LONP2: variants seen among roughly 807,000 people sequenced by gnomAD.
The protein encoded by LONP2 is lon protease homolog 2, peroxisomal.
LONP2 carries 60 observed loss-of-function variants against 85.6 expected under a neutral mutation model. The ratio of observed to expected loss-of-function variants is 0.70; its 90% CI spans 0.57 to 0.87. LONP2 has a LOEUF of 0.87. Among genes scored for constraint, LONP2 ranks in the 40% least tolerant of loss-of-function variants. The probability of loss-of-function intolerance (pLI) is 0.00; values close to 1 mark genes in which losing one functional copy is unlikely to be tolerated. For missense variants in LONP2, 860 were observed against 1,063.5 expected (o/e 0.81, Z 2.66); for synonymous variants, 395 against 389.7 (o/e 1.01, Z -0.16).
chr16:48,327,062 A>C (rs956382887), intron 11 of LONP2, among the ~76,000 whole-genome samples: 7 of 152,036 alleles, frequency 4.6e-5, no homozygotes, highest in African/African-American at 1.7e-4. Context: ...ACCGCATTTC[A>C]CTCTCACTTG....
intron 11 of LONP2, among the ~76,000 whole-genome samples, chr16:48,327,069 C>T (rs1052067669): frequency 1.3e-5 from 2 of 152,252 alleles, no homozygotes; most frequent in African/African-American, 4.8e-5. Context: ...TTCACTCTCA[C>T]TTGGCTCACA....
intron 10 of LONP2, among the ~76,000 whole-genome samples, chr16:48,300,281 A>G (rs545047848): frequency 1.6e-4 from 25 of 152,256 alleles, no homozygotes; most frequent in Admixed American, 5.9e-4. Flanking sequence ...AAATCCTTAG[A>G]ATTTTGATCT....
chr16:48,331,129 G>C (rs1287183244), intron 11 of LONP2, among the ~76,000 whole-genome samples: 2 of 152,166 alleles, frequency 1.3e-5, no homozygotes, highest in Admixed American at 1.3e-4. Context: ...TGAAGTTTTT[G>C]AGTACCACTA....
intron 11 of LONP2, among the ~76,000 whole-genome samples, chr16:48,323,393 G>A (rs1397007904): frequency 6.6e-6 from 1 of 152,110 alleles, no homozygotes; most frequent in Non-Finnish European, 1.5e-5. Flanking sequence ...GTTGGCTCAT[G>A]CCTGTAATCC....
In LONP2 at chr16:48,347,711, A is replaced by G; in HGVS notation, c.2143A>G (p.Asn715Asp). The change falls in exon 13 of 15, where the codon AAT becomes GAT. Residue 715 changes from asparagine to aspartate, a missense_variant. Physicochemically the swap from Asn to Asp is conservative, Grantham distance 23. Around this residue, in one of 3 missense-constraint regions of LONP2, gnomAD observed 743 missense variants for 917.3 expected, o/e 0.81. Transcript: ENST00000285737. ...CAACGCAAAGAAGTACCAGCTGACC[A>G]ATGGTAGGAGCCTGCACCCGGCCAG... ...RSNAKKYQLT[N>D]AFGSFDLLDN... The G allele has an allele frequency of 6.2e-7, 1 of 1,612,322 alleles. No homozygotes were observed. Among genetic ancestry groups the G allele is most frequent in the Non-Finnish European group, 8.5e-7 (1 of 1,179,560 alleles).
chr16:48,347,457 T>C (rs746613557), intron 12 of LONP2, 50 bp from the exon 13 acceptor site: 1 of 1,580,800 alleles, frequency 6.3e-7, no homozygotes, highest in South Asian at 1.1e-5. Context: ...GTGGTATCAG[T>C]CACCTTTAGC....
chr16:48,277,377 C>T lies in LONP2; in HGVS notation c.1281C>T (p.Asn427=), dbSNP rs779507475. The T allele has an allele frequency of 1.3e-5, 21 of 1,613,056 alleles. No individual in the cohort carries two copies. The highest frequency in any genetic ancestry group is 1.6e-4 in the Middle Eastern group (1 of 6,072). Residue 427 remains asparagine (N), a synonymous_variant, in exon 8 of 15, where the codon AAC becomes AAT. Coordinates refer to ENST00000285737, the MANE Select transcript of LONP2 (RefSeq NM_031490.5). The part of the protein sequence containing the change: ...YVGSMPGRII[N]GLKTVGVNNP... The stretch of plus-strand genomic sequence containing the variant: ...GCAGCATGCCTGGTCGCATCATCAA[C>T]GGCTTGAAGACTGTGGGAGTGAACA...
intron 6 of LONP2, among the ~76,000 whole-genome samples, chr16:48,266,520 C>A (rs1971994193): frequency 6.6e-6 from 1 of 151,942 alleles, no homozygotes; most frequent in African/African-American, 2.4e-5. Flanking sequence ...TTCTTCCCCG[C>A]CCCTTTCCTC....
chr16:48,244,598 G>T lies in LONP2; in HGVS notation c.210G>T (p.Ala70=). 1 of 1,483,466 alleles carries T rather than the reference G, an allele frequency of 6.7e-7. No individual in the cohort carries two copies. The highest frequency in any genetic ancestry group is 1.5e-5 in the African/African-American group (1 of 68,924). 91.9% of individuals were successfully genotyped at this position (1,483,466 alleles called of 1,614,324 possible). A position where few individuals can be genotyped will look rare whatever the true frequency, so the allele number is the denominator to read the frequency against. ...IPNTPDPASD[A]QDLPPLHRIG... ...ACACGCCTGACCCCGCCAGCGACGCGCAGGACCTGCCGCCGCTGCACAGGT... is the reference window on the plus strand; with the variant it reads ...ACACGCCTGACCCCGCCAGCGACGCTCAGGACCTGCCGCCGCTGCACAGGT... The change falls in exon 1 of 15, where the codon GCG becomes GCT. Residue 70 remains alanine, a synonymous_variant. Coordinates refer to ENST00000285737, the MANE Select transcript of LONP2 (RefSeq NM_031490.5).
intron 8 of LONP2, among the ~76,000 whole-genome samples, chr16:48,289,221 C>T (rs1279276772): frequency 2.6e-5 from 4 of 152,242 alleles, no homozygotes; most frequent in East Asian, 3.9e-4. Flanking sequence ...AGGTTGAGGA[C>T]GCGCGCCCAT....
At chr16:48,328,306 G>A (rs1013637121) in intron 11 of LONP2, among the ~76,000 whole-genome samples, 2 of 151,610 alleles carry the variant, frequency 1.3e-5, no homozygotes, top group Non-Finnish European at 2.9e-5. Flanking sequence ...AGCACTTTGA[G>A]AGGCTGTGGC....
intron 7 of LONP2, among the ~76,000 whole-genome samples, chr16:48,271,459 C>G (rs1972103877): frequency 6.6e-6 from 1 of 152,116 alleles, no homozygotes; most frequent in Admixed American, 6.5e-5. Flanking sequence ...ATCTTGTTTT[C>G]TATGTGCCTT....
At chr16:48,253,128 G>A (rs536986079) in intron 2 of LONP2, among the ~76,000 whole-genome samples, 58 of 152,260 alleles carry the variant, frequency 3.8e-4, no homozygotes, top group Middle Eastern at 6.8e-3. Context: ...ATCTGATGTG[G>A]CATTTGAAGA....
At chr16:48,305,251 T>G (rs77639122) in intron 11 of LONP2, among the ~76,000 whole-genome samples, 2,235 of 152,278 alleles carry the variant, frequency 0.015, 64 homozygotes, top group African/African-American at 0.052. Context: ...ATTTTTATTA[T>G]TTTTATTTTA....
At chr16:48,313,365 CAA>C (rs748546211) in intron 11 of LONP2, among the ~76,000 whole-genome samples, 6 of 151,994 alleles carry the variant, frequency 3.9e-5, no homozygotes, top group Non-Finnish European at 8.8e-5. Context: ...GCAGGATGTA[CAA>C]GTTTATTATG....
chr16:48,246,775 A>G (rs779075696), intron 1 of LONP2, among the ~76,000 whole-genome samples: 6 of 151,980 alleles, frequency 3.9e-5, no homozygotes, highest in Non-Finnish European at 5.9e-5. Context: ...GGGTCTCACT[A>G]TGTTGCTTAG....
intron 7 of LONP2, among the ~76,000 whole-genome samples, chr16:48,271,768 A>G (rs1297385118): frequency 6.6e-6 from 1 of 152,208 alleles, no homozygotes; most frequent in African/African-American, 2.4e-5. Context: ...AGATTTTAGT[A>G]AATAAACAAT....
chr16:48,355,578 G>C lies in LONP2; in HGVS notation c.*3776G>C, dbSNP rs1276710104. ...AGGATAATTCTGTTTAACTTTTTGA[G>C]AACTGCCAAACTTTTCCACCGCAGC... is the stretch of plus-strand genomic sequence containing the variant. On this transcript the variant is annotated 3_prime_UTR_variant, in exon 15 of 15. Transcript: ENST00000285737. 1 of 152,152 alleles carries C rather than the reference G, an allele frequency of 6.6e-6. No homozygotes were observed. The highest frequency in any genetic ancestry group is 6.5e-5 in the Admixed American group (1 of 15,268). The allele number at this position is 152,152 out of a possible 1,614,324, so 9.4% of individuals were successfully genotyped here. A position where few individuals can be genotyped will look rare whatever the true frequency, so the allele number is the denominator to read the frequency against.
At chr16:48,342,510 C>T (rs189625764) in intron 12 of LONP2, among the ~76,000 whole-genome samples, 1 of 152,190 alleles carries the variant, frequency 6.6e-6, no homozygotes, top group African/African-American at 2.4e-5. Flanking sequence ...GTCCAAGGCC[C>T]CAACAGGAAT....
Sources: allele counts gnomAD v4.1 joint callset (sites outside exome capture counted in the v4.1 genomes callset), GRCh38; gene constraint gnomAD v4.1.1; regional missense constraint gnomAD v4.1.1; transcripts MANE v1.5; gene names NCBI Gene and HGNC (gene_info 2026-07-23, HGNC 2026-07-21).